RAP1A: variants seen among roughly 807,000 people sequenced by gnomAD.
RAP1A encodes the protein RAP1A, member of RAS oncogene family.
RAP1A carries 6 observed loss-of-function variants against 26.4 expected under a neutral mutation model. That is an observed-to-expected ratio of 0.23 (90% CI 0.12 to 0.45). The LOEUF is 0.45. RAP1A is among the 20% of genes least tolerant of loss of function. The probability of loss-of-function intolerance (pLI) is 0.99; values close to 1 mark genes in which losing one functional copy is unlikely to be tolerated. For synonymous variants in RAP1A, 73 were observed against 79.4 expected, an observed-to-expected ratio of 0.92 and a Z score of 0.43; for missense variants, 121 against 217.2, an observed-to-expected ratio of 0.56 and a Z score of 2.78.
intron 1 of RAP1A, among the ~76,000 whole-genome samples, chr1:111,654,987 G>A (rs1660403718): frequency 6.6e-6 from 1 of 151,824 alleles, no homozygotes; most frequent in African/African-American, 2.4e-5. Context: ...ACTAAGCTGT[G>A]ATCGTGCCAC....
chr1:111,597,235 C>T (rs1390130672), intron 1 of RAP1A, among the ~76,000 whole-genome samples: 3 of 152,074 alleles, frequency 2.0e-5, no homozygotes, highest in Non-Finnish European at 4.4e-5. Flanking sequence ...TGAAGAAAAA[C>T]TTTATTTTTC....
At chr1:111,712,282 T>C (rs1457691514) in intron 7 of RAP1A, 149 bp from the exon 8 acceptor site, 3 of 152,226 alleles carry the variant, frequency 2.0e-5, no homozygotes. Context: ...GCACTGTTAC[T>C]GTAGCTGTTT....
intron 1 of RAP1A, among the ~76,000 whole-genome samples, chr1:111,559,413 C>T (rs1657642079): frequency 6.6e-6 from 1 of 152,148 alleles, no homozygotes; most frequent in South Asian, 2.1e-4. Context: ...CTTTATGAAA[C>T]TTAGTGCCTC....
intron 1 of RAP1A, among the ~76,000 whole-genome samples, chr1:111,621,204 C>T (rs575827449): frequency 1.0e-3 from 159 of 152,238 alleles, no homozygotes; most frequent in African/African-American, 3.7e-3. Flanking sequence ...CATGAAGGGC[C>T]GTCTCAGAAG....
intron 1 of RAP1A, among the ~76,000 whole-genome samples, chr1:111,676,468 G>T (rs957961052): frequency 6.6e-6 from 1 of 151,806 alleles, no homozygotes; most frequent in Non-Finnish European, 1.5e-5. Context: ...AGATTTGGGT[G>T]GGGACACAGA....
intron 4 of RAP1A, among the ~76,000 whole-genome samples, chr1:111,702,164 A>G (rs1043158888): frequency 2.6e-5 from 4 of 152,248 alleles, no homozygotes; most frequent in Admixed American, 6.5e-5. Context: ...GCCAAGGCAC[A>G]ACAAGCTTAA....
At chr1:111,624,148 G>T (rs949004033) in intron 1 of RAP1A, among the ~76,000 whole-genome samples, 2 of 152,106 alleles carry the variant, frequency 1.3e-5, no homozygotes, top group Non-Finnish European at 2.9e-5. Flanking sequence ...CTAATCATTT[G>T]TAAGAAGAGT....
chr1:111,543,034 T>G (rs1656901708), intron 1 of RAP1A, among the ~76,000 whole-genome samples: 1 of 152,138 alleles, frequency 6.6e-6, no homozygotes, highest in Non-Finnish European at 1.5e-5. Context: ...GAAACTAAAA[T>G]CAAAAGTCTA....
chr1:111,701,996 G>A (rs1308140812), intron 4 of RAP1A, among the ~76,000 whole-genome samples: 1 of 152,178 alleles, frequency 6.6e-6, no homozygotes, highest in African/African-American at 2.4e-5. Context: ...TGTTCCTGTG[G>A]CACACCTTAG....
At chr1:111,634,596 CATTT>C (rs1659670385) in intron 1 of RAP1A, among the ~76,000 whole-genome samples, 1 of 149,674 alleles carries the variant, frequency 6.7e-6, no homozygotes, top group East Asian at 1.9e-4. Context: ...ATGAACTTTA[CATTT>C]ATATATATAT....
rs1442132385 is a variant in RAP1A at position 111,709,155 on chromosome 1, T to G, written c.475T>G (p.Tyr159Asp). 6.2e-7 allele frequency: 1 copy of G among 1,601,992 alleles called. No homozygotes were observed. Among genetic ancestry groups the G allele is most frequent in the Admixed American group, 1.8e-5 (1 of 55,910 alleles). ...TTTTCTTGTTTTTACTTAGATATTT[T>G]ATGACCTGGTCAGACAGATAAATAG... is the stretch of plus-strand genomic sequence containing the variant. ...KSKINVNEIF[Y>D]DLVRQINRKT... is the part of the protein sequence containing the mutation. The change falls in exon 7 of 8, where the codon TAT becomes GAT. Residue 159 changes from tyrosine to aspartate, a missense_variant. Transcript: ENST00000369709.
chr1:111,598,192 T>C (rs1015919361), intron 1 of RAP1A, among the ~76,000 whole-genome samples: 18 of 152,242 alleles, frequency 1.2e-4, no homozygotes, highest in African/African-American at 4.1e-4. Flanking sequence ...TGGTTTATAA[T>C]CAAATGTTAT....
intron 1 of RAP1A, among the ~76,000 whole-genome samples, chr1:111,578,255 CT>C: frequency 6.6e-6 from 1 of 152,038 alleles, no homozygotes; most frequent in Non-Finnish European, 1.5e-5. Flanking sequence ...AACAGCATGG[CT>C]TGTCAGGGAC....
chr1:111,591,358 T>C (rs1326730205), intron 1 of RAP1A, among the ~76,000 whole-genome samples: 1 of 152,210 alleles, frequency 6.6e-6, no homozygotes, highest in African/African-American at 2.4e-5. Context: ...CTTCCTTCCA[T>C]TTACTTTCTT....
intron 1 of RAP1A, among the ~76,000 whole-genome samples, chr1:111,606,633 C>G (rs1557863350): frequency 6.6e-6 from 1 of 152,166 alleles, no homozygotes; most frequent in Non-Finnish European, 1.5e-5. Flanking sequence ...CAAGCTCCCA[C>G]CACCACACTC....
chr1:111,584,636 G>A (rs1348822902), intron 1 of RAP1A, among the ~76,000 whole-genome samples: 1 of 152,098 alleles, frequency 6.6e-6, no homozygotes, highest in Non-Finnish European at 1.5e-5. Flanking sequence ...CATTCATACT[G>A]TAGATAAAAG....
At chr1:111,696,036 G>A (rs1226898480) in intron 3 of RAP1A, among the ~76,000 whole-genome samples, 2 of 152,058 alleles carry the variant, frequency 1.3e-5, no homozygotes, top group Non-Finnish European at 2.9e-5. Flanking sequence ...AGGAGTATGT[G>A]GGAAATCTCT....
rs770014227 is a variant in RAP1A, at chr1:111,566,867, T to G, written c.-28+24358T>G. The stretch of plus-strand genomic sequence containing the variant: ...AAAATTTATATAGTTGGTGGTTGGG[T>G]TTTTTTTTTTTTTTTGGAGGGGGGA... On this transcript the variant is annotated intron_variant, in intron 1 of 7. Transcript: ENST00000356415. Among the ~76,000 whole-genome samples, 349 of 115,168 alleles carry G rather than the reference T, an allele frequency of 3.0e-3. 1 individual carries two copies. The highest frequency in any genetic ancestry group is 3.8e-3 in the Non-Finnish European group (223 of 59,422). The allele number at this position is 115,168 out of a possible 152,430, so 75.6% of individuals were successfully genotyped here. A position where few individuals can be genotyped will look rare whatever the true frequency, so the allele number is the denominator to read the frequency against.
At chr1:111,634,609 A>ATG (rs1553216965) in intron 1 of RAP1A, among the ~76,000 whole-genome samples, 4 of 150,526 alleles carry the variant, frequency 2.7e-5, no homozygotes, top group Admixed American at 2.0e-4. Context: ...TTATATATAT[A>ATG]TATGTATGTA....
Sources: gnomAD v4.1 joint callset for allele counts (sites outside exome capture counted in the v4.1 genomes callset) on GRCh38, gnomAD v4.1.1 for gene constraint, MANE v1.5 for transcripts, NCBI Gene and HGNC (gene_info 2026-07-23, HGNC 2026-07-21) for gene names.